Variants in CD84 observed in about 807,000 individuals in gnomAD.
CD84 encodes CD84 molecule.
CD84 carries 22 observed loss-of-function variants against 33.8 expected under a neutral mutation model. The observed-to-expected ratio is 0.65, with a 90% confidence interval of 0.46 to 0.93. The LOEUF (loss-of-function observed/expected upper bound fraction) is 0.93. Ranked by LOEUF, CD84 falls within the 40% of genes least tolerant of loss-of-function variation. The pLI is 0.00. For synonymous variants in CD84, 154 were observed against 145.2 expected (o/e 1.06, Z -0.44); for missense variants, 400 against 397.6 (o/e 1.01, Z -0.05).
chr1:160,553,154 G>A (rs1269895833), intron 4 of CD84: 3 of 706,726 alleles, frequency 4.2e-6, no homozygotes, highest in Non-Finnish European at 7.4e-6. Context: ...CCCATGTTCT[G>A]GGCCCACCAG....
chr1:160,574,503 A>G (rs931216585), intron 1 of CD84, among the ~76,000 whole-genome samples: 1 of 152,210 alleles, frequency 6.6e-6, no homozygotes, highest in African/African-American at 2.4e-5. Context: ...TTGGTAAAAG[A>G]AATAAAACAG....
intron 4 of CD84, among the ~76,000 whole-genome samples, chr1:160,551,979 T>C (rs1054324872): frequency 6.6e-6 from 1 of 152,224 alleles, no homozygotes; most frequent in African/African-American, 2.4e-5. Flanking sequence ...TTCACGTCAG[T>C]GTACTCCTTT....
chr1:160,554,453 A>G (rs986654510), intron 2 of CD84, among the ~76,000 whole-genome samples: 3 of 152,180 alleles, frequency 2.0e-5, no homozygotes, highest in Non-Finnish European at 4.4e-5. Flanking sequence ...CCATGGTAGG[A>G]GTATTACCCC....
Position 160,551,933 on chromosome 1 carries a change from T to C in CD84, c.761-898A>G, listed in dbSNP as rs552402111. Among the ~76,000 whole-genome samples the C allele has an allele frequency of 7.2e-5, 11 of 152,264 alleles. No individual in the cohort carries two copies. In the South Asian group the frequency reaches 2.1e-3, roughly 29 times the overall value. ...CAGAGAAGAAAAGACAGTAGACAAG[T>C]CTTTCCTTTTAAGAATGTATAGGCT... is the stretch of plus-strand genomic sequence containing the variant. On this transcript the variant is annotated intron_variant, in intron 4 of 6. Coordinates refer to ENST00000368054, the MANE Select transcript of CD84 (RefSeq NM_003874.4).
At chr1:160,555,564 C>T (rs1159525315) in intron 2 of CD84, among the ~76,000 whole-genome samples, 1 of 152,074 alleles carries the variant, frequency 6.6e-6, no homozygotes, top group East Asian at 1.9e-4. Context: ...TACTAAAGAA[C>T]AATAATAATT....
At chr1:160,556,400 T>C (rs557572681) in intron 2 of CD84, among the ~76,000 whole-genome samples, 1 of 152,316 alleles carries the variant, frequency 6.6e-6, no homozygotes, top group African/African-American at 2.4e-5. Context: ...TAAAAATTTT[T>C]CCCTAAATAC....
intron 1 of CD84, among the ~76,000 whole-genome samples, chr1:160,573,488 C>T (rs1404201613): frequency 6.6e-6 from 1 of 152,216 alleles, no homozygotes; most frequent in Non-Finnish European, 1.5e-5. Context: ...CATCAGCTCC[C>T]TCTGTTCTGT....
chr1:160,545,489 G>A lies in CD84; in HGVS notation c.*2767C>T, dbSNP rs1370239855. On this transcript the variant is annotated 3_prime_UTR_variant, in exon 7 of 7. Coordinates refer to ENST00000368054, the MANE Select transcript of CD84 (RefSeq NM_003874.4). ...TCCTTCCTGCACGTCTCTTCTTGGG[G>A]TGCTGTCTTTCACCTCCTTACAACT... is the stretch of plus-strand genomic sequence containing the variant. 1 of 152,106 alleles carries A rather than the reference G, an allele frequency of 6.6e-6. No individual in the cohort carries two copies. Among genetic ancestry groups the A allele is most frequent in the South Asian group, 2.1e-4 (1 of 4,826 alleles). 9.4% of individuals were successfully genotyped at this position (152,106 alleles called of 1,614,324 possible). A position where few individuals can be genotyped will look rare whatever the true frequency, so the allele number is the denominator to read the frequency against.
At chr1:160,553,154 G>GTAT in intron 4 of CD84, 2 of 706,844 alleles carry the variant, frequency 2.8e-6, no homozygotes, top group Non-Finnish European at 4.9e-6. Flanking sequence ...CCCATGTTCT[G>GTAT]GGCCCACCAG....
chr1:160,574,685 C>T (rs1325399325), intron 1 of CD84, among the ~76,000 whole-genome samples: 1 of 152,130 alleles, frequency 6.6e-6, no homozygotes, highest in African/African-American at 2.4e-5. Flanking sequence ...GGGCTAGAAT[C>T]CTGGCTCTGT....
intron 3 of CD84, 120 bp downstream of exon 3, chr1:160,553,775 G>T (rs1480413860): frequency 1.3e-6 from 2 of 1,488,396 alleles, no homozygotes; most frequent in Non-Finnish European, 1.8e-6. Context: ...GATGCCCTCA[G>T]TGACCAGGCC....
chr1:160,550,880 A>G (rs2102129185), intron 5 of CD84, 58 bp downstream of exon 5: 1 of 1,609,518 alleles, frequency 6.2e-7, no homozygotes, highest in East Asian at 2.2e-5. Context: ...ATGGCTGCCC[A>G]TGACTCCCTG....
At chr1:160,561,728 C>T (rs77059198) in intron 2 of CD84, among the ~76,000 whole-genome samples, 8 of 152,022 alleles carry the variant, frequency 5.3e-5, no homozygotes, top group Non-Finnish European at 1.2e-4. Context: ...AAACTGTCTC[C>T]GTTTGCAGAT....
At chr1:160,555,233 A>G (rs1385675528) in intron 2 of CD84, among the ~76,000 whole-genome samples, 1 of 151,796 alleles carries the variant, frequency 6.6e-6, no homozygotes, top group Non-Finnish European at 1.5e-5. Context: ...ACAGGTGCCC[A>G]CCACCACGCC....
At chr1:160,559,851 C>T (rs1656839070) in intron 2 of CD84, among the ~76,000 whole-genome samples, 1 of 151,972 alleles carries the variant, frequency 6.6e-6, no homozygotes. Context: ...ACAAAATAGA[C>T]TTTAAAGCAA....
intron 4 of CD84, 64 bp downstream of exon 4, chr1:160,553,314 A>G: frequency 6.2e-7 from 1 of 1,613,484 alleles, no homozygotes; most frequent in African/African-American, 1.3e-5. Context: ...CCTTGGATAA[A>G]TGGCTTCAGT....
rs1481138918 is a variant in CD84, at chr1:160,551,078, G to T, written c.761-43C>A. On this transcript the variant is annotated intron_variant, in intron 4 of 6. Coordinates refer to ENST00000368054, the MANE Select transcript of CD84 (RefSeq NM_003874.4). ...ATAGACCCACAGTCTGTGAAAGGTG[G>T]TTTTTTTAGCAATGATCTATTCCAA... 12 of 1,436,050 alleles carry T rather than the reference G, an allele frequency of 8.4e-6. No individual in the cohort carries two copies. The Admixed American group carries it at 1.5e-4, about 18-fold the overall frequency. 89.0% of individuals were successfully genotyped at this position (1,436,050 alleles called of 1,614,324 possible).
intron 1 of CD84, among the ~76,000 whole-genome samples, chr1:160,568,974 G>A (rs549440146): frequency 2.0e-5 from 3 of 152,258 alleles, no homozygotes; most frequent in Admixed American, 2.0e-4. Context: ...GTCCTGTTTG[G>A]TGAGCAGCAA....
At chr1:160,555,350 T>C (rs1053576769) in intron 2 of CD84, among the ~76,000 whole-genome samples, 4 of 152,196 alleles carry the variant, frequency 2.6e-5, no homozygotes, top group Non-Finnish European at 5.9e-5. Context: ...CCCAAAGTGC[T>C]GGGATGACAG....
Sources: allele counts gnomAD v4.1 joint callset (sites outside exome capture counted in the v4.1 genomes callset), GRCh38; gene constraint gnomAD v4.1.1; transcripts MANE v1.5; gene names NCBI Gene and HGNC (gene_info 2026-07-23, HGNC 2026-07-21).